Variants in CYRIB observed in about 807,000 individuals in gnomAD.
The protein encoded by CYRIB is CYFIP related Rac1 interactor B.
In CYRIB, 8 loss-of-function variants were observed where a neutral mutation model predicts 44.2. The ratio of observed to expected loss-of-function variants is 0.18; its 90% CI spans 0.11 to 0.33. The LOEUF is 0.33. CYRIB is among the 10% of genes least tolerant of loss of function. CYRIB has a pLI of 1.00. For synonymous variants in CYRIB, 131 were observed against 127.2 expected (o/e 1.03, Z -0.20); for missense variants, 185 against 382.8 (o/e 0.48, Z 4.31).
At chr8:129,853,246 C>CTTTGCTT (rs2044316377) in intron 7 of CYRIB, among the ~76,000 whole-genome samples, 1 of 152,202 alleles carries the variant, frequency 6.6e-6, no homozygotes, top group South Asian at 2.1e-4. Context: ...GGATTGGCTG[C>CTTTGCTT]TTTGCTTTTT....
intron 5 of CYRIB, among the ~76,000 whole-genome samples, chr8:129,859,497 C>G (rs2048152822): frequency 6.6e-6 from 1 of 152,136 alleles, no homozygotes; most frequent in African/African-American, 2.4e-5. Flanking sequence ...CTTTCCCAGT[C>G]TGCTAAGTAG....
At chr8:130,016,627 G>A (rs1410647373), upstream of CYRIB, 2 of 149,626 alleles carry the variant, frequency 1.3e-5, no homozygotes, top group South Asian at 1.9e-4. Context: ...CCGAGCCGCC[G>A]GCGCTCGCAC....
At chr8:130,002,379 T>C (rs948727912) in intron 1 of CYRIB, among the ~76,000 whole-genome samples, 11 of 152,088 alleles carry the variant, frequency 7.2e-5, no homozygotes, top group African/African-American at 2.7e-4. Context: ...GAGGATCACC[T>C]GAGCCAGAGA....
Position 129,960,964 on chromosome 8 carries a change from A to AAC in CYRIB, c.-243+9978_-243+9979insGT, listed in dbSNP as rs1174389647. Among the ~76,000 whole-genome samples, 6 of 150,500 alleles carry AAC rather than the reference A, an allele frequency of 4.0e-5. No individual in the cohort carries two copies. In the East Asian group the frequency reaches 1.2e-3, roughly 29 times the overall value. On this transcript the variant is annotated intron_variant, in intron 2 of 14. Coordinates refer to the CYRIB transcript ENST00000401979. Reference sequence around the variant, plus strand: ...GACTCAGTCTCAAAAAAAAAAAAAAAAGAAAGAAAGAAAGAAAGAAACTAG... The same window carrying AAC: ...GACTCAGTCTCAAAAAAAAAAAAAAAACAGAAAGAAAGAAAGAAAGAAACTAG...
At chr8:129,924,055 G>A (rs941161686) in intron 1 of CYRIB, among the ~76,000 whole-genome samples, 4 of 146,396 alleles carry the variant, frequency 2.7e-5, no homozygotes, top group Admixed American at 6.9e-5. Context: ...AGAACTGCCT[G>A]AGCCTAGAAA....
At chr8:129,878,431 GATTT>G (rs962389213) in intron 3 of CYRIB, among the ~76,000 whole-genome samples, 25 of 152,208 alleles carry the variant, frequency 1.6e-4, no homozygotes, top group Middle Eastern at 3.4e-3. Flanking sequence ...GGGTTTAAGT[GATTT>G]ATTTGTTTTG....
At chr8:129,943,086 A>ACCCC (rs779721289), upstream of CYRIB, among the ~76,000 whole-genome samples, 38,262 of 100,326 alleles carry the variant, frequency 0.38, 6,065 homozygotes, top group African/African-American at 0.56. Flanking sequence ...TGCACCGCCC[A>ACCCC]CCCGCCCCCC....
At chr8:129,988,134 G>A (rs756251437) in intron 1 of CYRIB, among the ~76,000 whole-genome samples, 3 of 152,144 alleles carry the variant, frequency 2.0e-5, no homozygotes, top group Admixed American at 1.3e-4. Context: ...CGGAACAAAG[G>A]TTTCATAGTC....
At chr8:129,963,449 C>T (rs1428634657) in intron 2 of CYRIB, among the ~76,000 whole-genome samples, 1 of 152,200 alleles carries the variant, frequency 6.6e-6, no homozygotes, top group African/African-American at 2.4e-5. Flanking sequence ...GATGTGGAGA[C>T]AGCCACAAAC....
upstream of CYRIB, among the ~76,000 whole-genome samples, chr8:129,941,625 A>G (rs1256774575): frequency 6.6e-6 from 1 of 152,098 alleles, no homozygotes; most frequent in East Asian, 1.9e-4. Context: ...CTCCTAATCC[A>G]AGAAGCTTGG....
At chr8:129,850,804 G>A (rs1419146101) in intron 9 of CYRIB, 31 bp downstream of exon 11, 5 of 1,512,968 alleles carry the variant, frequency 3.3e-6, no homozygotes, top group Non-Finnish European at 4.6e-6. Context: ...CAACAGCACT[G>A]TTAAAGTGAA....
intron 1 of CYRIB, among the ~76,000 whole-genome samples, chr8:129,926,421 C>T (rs1270061798): frequency 6.6e-6 from 1 of 152,186 alleles, no homozygotes; most frequent in Non-Finnish European, 1.5e-5. Context: ...CACTGTGCCA[C>T]TCTGAAGTCC....
chr8:129,897,215 CA>C (rs779878582), intron 2 of CYRIB, among the ~76,000 whole-genome samples: 2 of 152,134 alleles, frequency 1.3e-5, no homozygotes, highest in Non-Finnish European at 2.9e-5. Context: ...ACAACATATC[CA>C]CACCAAGTAG....
chr8:129,949,094 A>G (rs1210132794), intron 2 of CYRIB: 1 of 152,094 alleles, frequency 6.6e-6, no homozygotes, highest in East Asian at 1.9e-4. Flanking sequence ...GAAAAAGAGA[A>G]TTCTTAATTG....
intron 1 of CYRIB, among the ~76,000 whole-genome samples, chr8:129,917,630 G>A (rs992850360): frequency 1.3e-5 from 2 of 152,082 alleles, no homozygotes; most frequent in African/African-American, 4.8e-5. Context: ...AGGCCAAGGC[G>A]GGCGGATCAT....
chr8:130,006,949 T>C (rs2097115435), intron 1 of CYRIB, among the ~76,000 whole-genome samples: 1 of 151,866 alleles, frequency 6.6e-6, no homozygotes, highest in Non-Finnish European at 1.5e-5. Flanking sequence ...GGACCCTTCT[T>C]TCCCCCAAAT....
At chr8:129,946,171 T>C (rs2094127178) in intron 2 of CYRIB, among the ~76,000 whole-genome samples, 1 of 152,244 alleles carries the variant, frequency 6.6e-6, no homozygotes, top group Non-Finnish European at 1.5e-5. Flanking sequence ...TTGTAATTAC[T>C]GGGTCAAAGG....
At chr8:129,859,610 T>C (rs772028203) in intron 5 of CYRIB, among the ~76,000 whole-genome samples, 19 of 152,198 alleles carry the variant, frequency 1.2e-4, no homozygotes, top group Non-Finnish European at 2.4e-4. Flanking sequence ...AGGAGGCCTC[T>C]GGTGGCCCTG....
chr8:129,870,042 A>G (rs1301870661), intron 4 of CYRIB, among the ~76,000 whole-genome samples: 1 of 152,158 alleles, frequency 6.6e-6, no homozygotes, highest in African/African-American at 2.4e-5. Context: ...AAACAAAGGA[A>G]GGGTGCATAT....
Sources: allele counts gnomAD v4.1 joint callset (sites outside exome capture counted in the v4.1 genomes callset), GRCh38; gene constraint gnomAD v4.1.1; transcripts MANE v1.5; gene names NCBI Gene and HGNC (gene_info 2026-07-23, HGNC 2026-07-21).